Variants in CDH22 observed in about 807,000 individuals in gnomAD.
CDH22 encodes the protein cadherin 22, also known as cadherin-22.
In CDH22, 30 loss-of-function variants were observed where a neutral mutation model predicts 58.4. The ratio of observed to expected loss-of-function variants is 0.51; its 90% CI spans 0.38 to 0.70. The LOEUF is 0.70. Ranked by LOEUF, CDH22 falls within the 30% of genes least tolerant of loss-of-function variation. The probability of loss-of-function intolerance (pLI) is 0.00; values close to 1 mark genes in which losing one functional copy is unlikely to be tolerated. For missense variants in CDH22, 1,014 were observed against 1,233.9 expected, an observed-to-expected ratio of 0.82 and a Z score of 2.67; for synonymous variants, 513 against 558.2, an observed-to-expected ratio of 0.92 and a Z score of 1.14.
chr20:46,210,285 C>T lies in CDH22; in HGVS notation c.1286+22G>A, dbSNP rs957897310. On this transcript the variant is annotated intron_variant, in intron 7 of 11. Transcript: ENST00000537909. This position sits in a 1 kb window ranked among gnomAD's most constrained non-coding sequence, Gnocchi z 4.5. The stretch of plus-strand genomic sequence containing the variant: ...TGGCGGGATAGCAGGCAGCAGGCGT[C>T]GGCCCCGGGCGGGGGTCTCACCGGA... 1.1e-5 allele frequency: 15 copies of T among 1,382,482 alleles called. No individual in the cohort carries two copies. The highest frequency in any genetic ancestry group is 1.4e-5 in the Non-Finnish European group (15 of 1,074,190). 85.6% of individuals were successfully genotyped at this position (1,382,482 alleles called of 1,614,324 possible).
chr20:46,265,081 A>G (rs926589152), intron 1 of CDH22, among the ~76,000 whole-genome samples: 2 of 152,106 alleles, frequency 1.3e-5, no homozygotes, highest in Non-Finnish European at 1.5e-5. Context: ...GCTGTACATC[A>G]TGTTGACAGT....
At chr20:46,301,109 T>G (rs1464163159) in intron 1 of CDH22, among the ~76,000 whole-genome samples, 1 of 152,210 alleles carries the variant, frequency 6.6e-6, no homozygotes, top group African/African-American at 2.4e-5. Flanking sequence ...AAGAAGGATA[T>G]GCACTGAAAT....
At chr20:46,306,184 T>A (rs927740120) in intron 1 of CDH22, among the ~76,000 whole-genome samples, 2 of 152,282 alleles carry the variant, frequency 1.3e-5, no homozygotes, top group African/African-American at 4.8e-5. Context: ...CTTCTTGTCC[T>A]GCCTGCAGCG....
intron 4 of CDH22, among the ~76,000 whole-genome samples, chr20:46,221,197 T>A (rs2086122241): frequency 6.6e-6 from 1 of 151,962 alleles, no homozygotes; most frequent in African/African-American, 2.4e-5. Context: ...CCCAGCAAAA[T>A]AACTGCCAAG....
intron 2 of CDH22, among the ~76,000 whole-genome samples, chr20:46,243,565 C>CA (rs2086308021): frequency 1.3e-5 from 2 of 152,156 alleles, no homozygotes; most frequent in Non-Finnish European, 2.9e-5. Context: ...TTAATGCCCC[C>CA]AATAAAATTA....
chr20:46,258,748 G>A (rs1359456290), intron 1 of CDH22, among the ~76,000 whole-genome samples: 1 of 152,248 alleles, frequency 6.6e-6, no homozygotes, highest in Non-Finnish European at 1.5e-5. Context: ...CCGAGCACCT[G>A]CTGTGCTCTG....
At chr20:46,179,426 C>T (rs1285934575) in intron 10 of CDH22, among the ~76,000 whole-genome samples, 1 of 152,130 alleles carries the variant, frequency 6.6e-6, no homozygotes, top group Non-Finnish European at 1.5e-5. Flanking sequence ...CCAGATCTGG[C>T]CTTTCTCATC....
intron 1 of CDH22, among the ~76,000 whole-genome samples, chr20:46,296,280 T>C (rs577107954): frequency 6.6e-6 from 1 of 152,312 alleles, no homozygotes; most frequent in African/African-American, 2.4e-5. Flanking sequence ...TCTTCATTAA[T>C]TTGGTACCCA....
chr20:46,198,049 G>T (rs543529450), intron 8 of CDH22, among the ~76,000 whole-genome samples: 1 of 152,210 alleles, frequency 6.6e-6, no homozygotes, highest in Admixed American at 6.5e-5. Context: ...CTTATTGGTG[G>T]CTCTGTTGAT....
intron 1 of CDH22, among the ~76,000 whole-genome samples, chr20:46,286,414 G>A (rs2086577107): frequency 6.6e-6 from 1 of 152,138 alleles, no homozygotes; most frequent in Non-Finnish European, 1.5e-5. Context: ...TAAAAAGTGC[G>A]GACCGACCAG....
chr20:46,247,467 G>A (rs2086338861), intron 2 of CDH22, among the ~76,000 whole-genome samples: 1 of 152,104 alleles, frequency 6.6e-6, no homozygotes, highest in Non-Finnish European at 1.5e-5. Flanking sequence ...CGTTTTTCTT[G>A]TCATTCTCCA....
At chr20:46,246,036 T>C (rs1202502852) in intron 2 of CDH22, among the ~76,000 whole-genome samples, 1 of 152,072 alleles carries the variant, frequency 6.6e-6, no homozygotes, top group Non-Finnish European at 1.5e-5. Context: ...ATAAACAACA[T>C]GAAAAACACA....
chr20:46,204,596 A>C (rs2085987035), intron 7 of CDH22, among the ~76,000 whole-genome samples: 1 of 152,076 alleles, frequency 6.6e-6, no homozygotes, highest in African/African-American at 2.4e-5. Context: ...CATCACTCTC[A>C]TTTTACAGAG....
At chr20:46,187,992 C>T (rs2085838894) in intron 8 of CDH22, among the ~76,000 whole-genome samples, 2 of 152,156 alleles carry the variant, frequency 1.3e-5, no homozygotes, top group Admixed American at 1.3e-4. Context: ...TAGATCTTCG[C>T]CAGCAAAACC....
chr20:46,291,927 A>G (rs1458323289), intron 1 of CDH22, among the ~76,000 whole-genome samples: 1 of 152,230 alleles, frequency 6.6e-6, no homozygotes, highest in African/African-American at 2.4e-5. Context: ...CCCATTGAAT[A>G]CCAGTAGCAC....
rs754508427 is a variant in CDH22, at chr20:46,210,571, G to A, written c.1033-11C>T. The A allele has an allele frequency of 7.0e-7, 1 of 1,427,796 alleles. No individual in the cohort carries two copies. The highest frequency in any genetic ancestry group is 9.2e-7 in the Non-Finnish European group (1 of 1,087,812). The allele number at this position is 1,427,796 out of a possible 1,614,324, so 88.4% of individuals were successfully genotyped here. On this transcript the variant is annotated splice_polypyrimidine_tract_variant and intron_variant, in intron 6 of 11. Coordinates refer to ENST00000537909, the MANE Select transcript of CDH22 (RefSeq NM_021248.3). The surrounding 1 kb of genome is among the most constrained non-coding windows in gnomAD (Gnocchi z 4.5). ...TTCGAAGTCCAGGCGCTGCGGGAGG[G>A]AGCAGAGGGCCGGTTAGTGGGTGGG...
At chr20:46,234,076 C>T (rs1374088141) in intron 3 of CDH22, among the ~76,000 whole-genome samples, 1 of 152,192 alleles carries the variant, frequency 6.6e-6, no homozygotes, top group Non-Finnish European at 1.5e-5. Context: ...CCTCTCTGTT[C>T]CCCCAAGCAC....
At position 46,183,982 on chromosome 20, in the gene CDH22, G is replaced by T. The variant is rs146102586; in HGVS notation, c.1663+2606C>A. On this transcript the variant is annotated intron_variant, in intron 10 of 11. Transcript: ENST00000537909. The stretch of plus-strand genomic sequence containing the variant: ...TTTGCACTTGCTATTTCTTCCACTG[G>T]GGTGGTCGTTTTCTCTCATATCCTT... Among the ~76,000 whole-genome samples the T allele has an allele frequency of 9.2e-5, 14 of 152,202 alleles. No individual in the cohort carries two copies. In the East Asian group the frequency reaches 2.7e-3, roughly 29 times the overall value.
At chr20:46,185,595 T>TA (rs2085819481) in intron 10 of CDH22, among the ~76,000 whole-genome samples, 1 of 152,116 alleles carries the variant, frequency 6.6e-6, no homozygotes, top group Admixed American at 6.5e-5. Flanking sequence ...GGGCCTGGCG[T>TA]GGTGTCTCAT....
Sources: gnomAD v4.1 joint callset for allele counts (sites outside exome capture counted in the v4.1 genomes callset) on GRCh38, gnomAD v4.1.1 for gene constraint, Gnocchi (gnomAD v3.1) non-coding constraint, MANE v1.5 for transcripts, NCBI Gene and HGNC (gene_info 2026-07-23, HGNC 2026-07-21) for gene names.